APBB2: variants seen among roughly 807,000 people sequenced by gnomAD.
APBB2 encodes amyloid beta precursor protein binding family B member 2, also known as Fe65-like 1.
Under a neutral mutation model 82.5 loss-of-function variants are expected in APBB2, and 38 were observed. The ratio of observed to expected loss-of-function variants is 0.46; its 90% CI spans 0.36 to 0.60. The LOEUF is 0.60. Among genes scored for constraint, APBB2 ranks in the 20% least tolerant of loss-of-function variants. The pLI, the probability that APBB2 is intolerant of heterozygous loss-of-function variation, is 0.00. For missense variants in APBB2, 772 were observed against 972.3 expected (o/e 0.79, Z 2.74); for synonymous variants, 341 against 368.2 (o/e 0.93, Z 0.85).
intron 1 of APBB2, among the ~76,000 whole-genome samples, chr4:41,151,329 T>C (rs1431097414): frequency 6.6e-6 from 1 of 152,244 alleles, no homozygotes; most frequent in Non-Finnish European, 1.5e-5. Flanking sequence ...TATGGAAATG[T>C]TCCATATTTG....
rs1414488783 is a variant in APBB2, at chr4:40,918,785, G to GT, written c.1254+15670dup. On this transcript the variant is annotated intron_variant, in intron 10 of 17. Transcript: ENST00000508593. ...TTTTTTTTTTTGTTTGTTTGTTTTT[G>GT]TTTTTTTTAACAGAGACAGGGTCTC... is the stretch of plus-strand genomic sequence containing the variant. Among the ~76,000 whole-genome samples the GT allele has an allele frequency of 5.4e-3, 270 of 50,300 alleles. 1 individual carries two copies. The highest frequency in any genetic ancestry group is 0.014 in the Admixed American group (67 of 4,694). 33.0% of individuals were successfully genotyped at this position (50,300 alleles called of 152,430 possible).
At chr4:41,121,634 T>C (rs1198317076) in intron 2 of APBB2, among the ~76,000 whole-genome samples, 1 of 152,208 alleles carries the variant, frequency 6.6e-6, no homozygotes, top group Non-Finnish European at 1.5e-5. Context: ...CTGACCCATT[T>C]AACAACAGGC....
At chr4:41,033,202 T>G in intron 5 of APBB2, 34 bp downstream of exon 5, 1 of 1,349,322 alleles carries the variant, frequency 7.4e-7, no homozygotes, top group Non-Finnish European at 1.1e-6. Context: ...TTCAACTGCT[T>G]CTCTGCATTG....
chr4:40,912,872 C>T (rs1227290675), intron 10 of APBB2, among the ~76,000 whole-genome samples: 1 of 152,122 alleles, frequency 6.6e-6, no homozygotes, highest in Non-Finnish European at 1.5e-5. Context: ...CAGATGTCTG[C>T]GCTACTGGGA....
intron 12 of APBB2, among the ~76,000 whole-genome samples, chr4:40,873,178 C>G (rs913192194): frequency 6.6e-6 from 1 of 151,712 alleles, no homozygotes; most frequent in Non-Finnish European, 1.5e-5. Flanking sequence ...GTGGTATAAT[C>G]TGCTCTACCA....
intron 6 of APBB2, among the ~76,000 whole-genome samples, chr4:41,006,910 C>CTT (rs1381029719): frequency 6.6e-6 from 1 of 152,188 alleles, no homozygotes; most frequent in Non-Finnish European, 1.5e-5. Context: ...ATCACTTAAG[C>CTT]TAGCTAAAGC....
intron 6 of APBB2, among the ~76,000 whole-genome samples, chr4:41,004,836 CAA>C (rs34941899): frequency 6.5e-4 from 32 of 49,268 alleles, no homozygotes; most frequent in African/African-American, 2.3e-3. Context: ...GACCCCATCT[CAA>C]AAAAAAAAAA....
At chr4:41,208,980 T>C (rs1268631827) in intron 1 of APBB2, among the ~76,000 whole-genome samples, 1 of 152,194 alleles carries the variant, frequency 6.6e-6, no homozygotes, top group Non-Finnish European at 1.5e-5. Flanking sequence ...GAATATCTCC[T>C]GTAACTCTAC....
intron 5 of APBB2, among the ~76,000 whole-genome samples, chr4:41,018,091 T>C (rs1810507443): frequency 6.6e-6 from 1 of 152,186 alleles, no homozygotes; most frequent in Non-Finnish European, 1.5e-5. Flanking sequence ...AACATGACTG[T>C]CAAACCTTTG....
intron 7 of APBB2, 49 bp from the exon 8 acceptor site, chr4:40,935,188 A>C (rs1229293855): frequency 8.7e-7 from 1 of 1,149,446 alleles, no homozygotes; most frequent in Admixed American, 3.3e-5. Context: ...GATTTAAAGA[A>C]AAAGAAAAGA....
At chr4:40,864,940 C>A (rs1484392218) in intron 12 of APBB2, among the ~76,000 whole-genome samples, 1 of 150,742 alleles carries the variant, frequency 6.6e-6, no homozygotes, top group East Asian at 1.9e-4. Flanking sequence ...TTCACTGCAA[C>A]CTCTGCCTCC....
chr4:41,146,995 C>T (rs922897417), intron 1 of APBB2, among the ~76,000 whole-genome samples: 1 of 152,206 alleles, frequency 6.6e-6, no homozygotes, highest in African/African-American at 2.4e-5. Context: ...CACCCAAAAC[C>T]ACTTCTCAAA....
At chr4:40,828,579 G>A (rs1429633940) in intron 13 of APBB2, among the ~76,000 whole-genome samples, 2 of 152,132 alleles carry the variant, frequency 1.3e-5, no homozygotes, top group African/African-American at 2.4e-5. Flanking sequence ...TAAGGGCAAG[G>A]ACTTTTTTTT....
At chr4:40,860,107 C>T (rs1215131907) in intron 12 of APBB2, among the ~76,000 whole-genome samples, 1 of 152,202 alleles carries the variant, frequency 6.6e-6, no homozygotes, top group Non-Finnish European at 1.5e-5. Context: ...TATAAACTTA[C>T]AGAGTCTGGT....
intron 3 of APBB2, among the ~76,000 whole-genome samples, chr4:41,078,938 T>C (rs1284714857): frequency 6.6e-6 from 1 of 152,192 alleles, no homozygotes; most frequent in African/African-American, 2.4e-5. Context: ...GAGTGTCTTA[T>C]AGCCAAGGCT....
intron 6 of APBB2, among the ~76,000 whole-genome samples, chr4:40,982,226 G>GAAAAGAAAGA (rs1255275073): frequency 4.1e-3 from 23 of 5,648 alleles, no homozygotes; most frequent in African/African-American, 8.8e-3. Context: ...AGAAAGGAAA[G>GAAAAGAAAGA]AAAGAAAGAA....
chr4:41,109,915 C>A (rs1469210406), intron 2 of APBB2, among the ~76,000 whole-genome samples: 3 of 152,126 alleles, frequency 2.0e-5, no homozygotes, highest in Non-Finnish European at 4.4e-5. Flanking sequence ...CTGGTTCTAC[C>A]CTAATATCAA....
At chr4:41,211,670 C>T (rs1043538594) in intron 1 of APBB2, among the ~76,000 whole-genome samples, 10 of 151,702 alleles carry the variant, frequency 6.6e-5, no homozygotes, top group South Asian at 2.1e-4. Flanking sequence ...TTTTTAGAGA[C>T]GGGGGTTTTA....
At chr4:41,184,928 C>A (rs1348953430) in intron 1 of APBB2, among the ~76,000 whole-genome samples, 5 of 152,226 alleles carry the variant, frequency 3.3e-5, no homozygotes, top group Non-Finnish European at 7.3e-5. Context: ...ACCTCCTGTT[C>A]ACAGGAATTG....
Sources: allele counts gnomAD v4.1 joint callset (sites outside exome capture counted in the v4.1 genomes callset), GRCh38; gene constraint gnomAD v4.1.1; transcripts MANE v1.5; gene names NCBI Gene and HGNC (gene_info 2026-07-23, HGNC 2026-07-21).